RASEF: variants seen among roughly 807,000 people sequenced by gnomAD.
The protein encoded by RASEF is ras and EF-hand domain-containing protein.
A neutral mutation model predicts 90.1 loss-of-function variants in RASEF; 68 were observed. The observed-to-expected ratio is 0.75, with a 90% confidence interval of 0.62 to 0.92. The LOEUF is 0.92. Among genes scored for constraint, RASEF ranks in the 40% least tolerant of loss-of-function variants. The pLI, the probability that RASEF is intolerant of heterozygous loss-of-function variation, is 0.00. For synonymous variants in RASEF, 331 were observed against 345.2 expected (o/e 0.96, Z 0.46); for missense variants, 949 against 937.2 (o/e 1.01, Z -0.16).
At chr9:83,160,748 C>T in the RASEF span, among the ~76,000 whole-genome samples, 1 of 152,160 alleles carries the variant, frequency 6.6e-6, no homozygotes, top group Non-Finnish European at 1.5e-5. Context: ...CACCACAGGC[C>T]CAGAGGCCTA....
chr9:83,205,447 C>A, the RASEF span, among the ~76,000 whole-genome samples: 7 of 152,192 alleles, frequency 4.6e-5, no homozygotes, highest in African/African-American at 9.6e-5. Context: ...AAAATCCATA[C>A]AACCTTCCTC....
At chr9:83,106,918 T>C in the RASEF span, among the ~76,000 whole-genome samples, 51 of 152,248 alleles carry the variant, frequency 3.3e-4, no homozygotes, top group Middle Eastern at 3.4e-3. Flanking sequence ...CAAGGTCCTG[T>C]CACACGTGTC....
rs147488967 is a variant in RASEF at position 83,048,445 on chromosome 9, G to T, written c.431+13992C>A. 131 of 985,176 alleles carry T rather than the reference G, an allele frequency of 1.3e-4. 1 individual carries two copies. Among genetic ancestry groups the T allele is most frequent in the Middle Eastern group, 5.2e-4 (1 of 1,914 alleles). 61.0% of individuals were successfully genotyped at this position (985,176 alleles called of 1,614,324 possible). On this transcript the variant is annotated intron_variant, in intron 1 of 16. Transcript: ENST00000376447. Reference sequence around the variant, plus strand: ...GATGTCATCACCTTCTGAATAGAGGGAAACCAGCCAAGCAACTTGGACTTT... The same window carrying T: ...GATGTCATCACCTTCTGAATAGAGGTAAACCAGCCAAGCAACTTGGACTTT...
chr9:83,189,433 A>G, the RASEF span, among the ~76,000 whole-genome samples: 1 of 152,186 alleles, frequency 6.6e-6, no homozygotes, highest in African/African-American at 2.4e-5. Context: ...AGACTAATAC[A>G]CCAGCTTTCT....
intron 1 of RASEF, among the ~76,000 whole-genome samples, chr9:83,039,774 CCATAT>C (rs1226755332): frequency 6.6e-6 from 1 of 152,094 alleles, no homozygotes; most frequent in Non-Finnish European, 1.5e-5. Context: ...CCACTATTTA[CCATAT>C]AACAGATGCT....
chr9:83,206,442 A>G, the RASEF span, among the ~76,000 whole-genome samples: 18 of 152,374 alleles, frequency 1.2e-4, no homozygotes, highest in African/African-American at 4.1e-4. Context: ...AATGAATAGA[A>G]TCATCATGCT....
At chr9:83,218,278 A>T in the RASEF span, among the ~76,000 whole-genome samples, 2 of 152,304 alleles carry the variant, frequency 1.3e-5, no homozygotes, top group South Asian at 4.2e-4. Context: ...TTCCTCTTCT[A>T]CAAAATGGAG....
chr9:83,019,328 AAT>A (rs60264496), intron 3 of RASEF, among the ~76,000 whole-genome samples: 1 of 151,714 alleles, frequency 6.6e-6, no homozygotes, highest in African/African-American at 2.4e-5. Context: ...TTCAGCAAAA[AAT>A]ATATATATAT....
chr9:83,122,545 C>T, the RASEF span, among the ~76,000 whole-genome samples: 20 of 152,230 alleles, frequency 1.3e-4, no homozygotes, highest in South Asian at 1.5e-3. Flanking sequence ...CTTGTGAGGG[C>T]CTCAGATTGC....
At chr9:83,113,019 A>G in the RASEF span, among the ~76,000 whole-genome samples, 1 of 152,196 alleles carries the variant, frequency 6.6e-6, no homozygotes, top group Non-Finnish European at 1.5e-5. Flanking sequence ...TATTGTTTTA[A>G]AAGTCAATTT....
the RASEF span, among the ~76,000 whole-genome samples, chr9:83,211,508 C>G: frequency 6.6e-6 from 1 of 152,156 alleles, no homozygotes; most frequent in Non-Finnish European, 1.5e-5. Flanking sequence ...CTCTTCAGCT[C>G]TTCTTTGAAA....
At chr9:83,094,152 A>AAAATTTTAAATTATACATGTGGAT in the RASEF span, among the ~76,000 whole-genome samples, 11 of 151,772 alleles carry the variant, frequency 7.2e-5, no homozygotes, top group African/African-American at 2.4e-4. Flanking sequence ...CTATCATGAG[A>AAAATTTTAAATTATACATGTGGAT]TGCCATTCCT....
the RASEF span, among the ~76,000 whole-genome samples, chr9:83,168,036 T>C: frequency 6.6e-6 from 1 of 152,278 alleles, no homozygotes; most frequent in East Asian, 1.9e-4. Context: ...GAAGTGGAAC[T>C]GCTGGGTTGG....
the RASEF span, among the ~76,000 whole-genome samples, chr9:83,163,888 A>T: frequency 6.6e-6 from 1 of 152,018 alleles, no homozygotes; most frequent in Non-Finnish European, 1.5e-5. Context: ...CCAAGAAAAT[A>T]AATGCTGAAA....
the RASEF span, among the ~76,000 whole-genome samples, chr9:83,170,855 A>C: frequency 6.6e-6 from 1 of 151,912 alleles, no homozygotes; most frequent in African/African-American, 2.4e-5. Flanking sequence ...ATATTAGATC[A>C]TATTACCTGC....
the RASEF span, among the ~76,000 whole-genome samples, chr9:83,133,549 A>G: frequency 9.9e-5 from 15 of 152,258 alleles, no homozygotes; most frequent in African/African-American, 3.6e-4. Flanking sequence ...CAGTTTCTCC[A>G]CAAATAAAAT....
At chr9:83,041,426 G>A (rs948178654) in intron 1 of RASEF, among the ~76,000 whole-genome samples, 2 of 152,132 alleles carry the variant, frequency 1.3e-5, no homozygotes, top group Admixed American at 1.3e-4. Context: ...GTCCCAGTCT[G>A]TTTTATGAAA....
the RASEF span, among the ~76,000 whole-genome samples, chr9:83,176,735 C>T: frequency 0.027 from 4,065 of 151,988 alleles, 74 homozygotes; most frequent in Non-Finnish European, 0.039. Context: ...TCAAGTGAGA[C>T]CTATAAATGT....
chr9:83,201,897 G>C, the RASEF span: 1 of 152,364 alleles, frequency 6.6e-6, no homozygotes. Context: ...ACTCCTTCAA[G>C]CACCGAGAAG....
Sources: gnomAD v4.1 joint callset for allele counts (sites outside exome capture counted in the v4.1 genomes callset) on GRCh38, gnomAD v4.1.1 for gene constraint, MANE v1.5 for transcripts, NCBI Gene and HGNC (gene_info 2026-07-23, HGNC 2026-07-21) for gene names.